Variants in THAP5 observed in about 807,000 individuals in gnomAD.
THAP5 encodes THAP domain containing 5.
THAP5 carries 26 observed loss-of-function variants against 34.0 expected under a neutral mutation model. The observed-to-expected ratio is 0.77, with a 90% CI of 0.56 to 1.06. The LOEUF is 1.06. Ranked by LOEUF, THAP5 falls within the 50% of genes least tolerant of loss-of-function variation. THAP5 has a pLI of 0.00. For missense variants in THAP5, 394 were observed against 452.8 expected, an observed-to-expected ratio of 0.87 and a Z score of 1.18; for synonymous variants, 125 against 153.0, an observed-to-expected ratio of 0.82 and a Z score of 1.35.
downstream of THAP5, among the ~76,000 whole-genome samples, chr7:108,558,545 G>A (rs1324658088): frequency 3.3e-5 from 5 of 150,616 alleles, no homozygotes; most frequent in African/African-American, 7.3e-5. Flanking sequence ...TTACAGGCAC[G>A]CGCCACCACA....
rs947739092 is a variant in THAP5 at position 108,562,357 on chromosome 7, T to A, written c.*1834A>T. On this transcript the variant is annotated 3_prime_UTR_variant, in exon 3 of 3. Transcript: ENST00000415914. ...ATAACTCTATCATCTCCCCATAATT[T>A]ATGCAAAAATTTTAAGTTTTTCCCC... The A allele has an allele frequency of 6.6e-6, 1 of 152,168 alleles. No individual in the cohort carries two copies. The highest frequency in any genetic ancestry group is 1.5e-5 in the Non-Finnish European group (1 of 68,016). The allele number at this position is 152,168 out of a possible 1,614,324, so 9.4% of individuals were successfully genotyped here.
chr7:108,550,865 CT>C (rs1864349026), downstream of THAP5, among the ~76,000 whole-genome samples: 1 of 152,174 alleles, frequency 6.6e-6, no homozygotes, highest in Non-Finnish European at 1.5e-5. Flanking sequence ...AGGTACTGGG[CT>C]TTACGGCTTC....
chr7:108,547,128 T>G, the THAP5 span, among the ~76,000 whole-genome samples: 1 of 152,202 alleles, frequency 6.6e-6, no homozygotes, highest in Non-Finnish European at 1.5e-5. Context: ...TTAATGACAT[T>G]CTGGGAATTG....
At chr7:108,566,308 G>A (rs958392422) in intron 1 of THAP5, among the ~76,000 whole-genome samples, 4 of 152,032 alleles carry the variant, frequency 2.6e-5, no homozygotes, top group African/African-American at 9.7e-5. Context: ...TCCTATAAAG[G>A]ACAAAATCTA....
Position 108,565,103 on chromosome 7 carries a change from T to C in THAP5, c.276A>G (p.Gly92=). The C allele has an allele frequency of 1.3e-6, 2 of 1,498,368 alleles. No individual in the cohort carries two copies. Among genetic ancestry groups the C allele is most frequent in the Non-Finnish European group, 1.8e-6 (2 of 1,127,086 alleles). The allele number at this position is 1,498,368 out of a possible 1,614,324, so 92.8% of individuals were successfully genotyped here. ...TIFSLPEDNQ[G]KDPSKKKSQK... is the part of the protein sequence containing the mutation. ...GGGATTTTTTTTTAGAAGGGTCTTT[T>C]CCCTAGAAAATAATATTTTCATGTT... Residue 92 remains glycine (G), a splice_region_variant and synonymous_variant, in exon 3 of 3, where the codon GGA becomes GGG. Transcript: ENST00000415914.
At chr7:108,569,415 A>G (rs1182403174) in intron 1 of THAP5, 75 bp downstream of exon 1, 1 of 1,547,944 alleles carries the variant, frequency 6.5e-7, no homozygotes, top group African/African-American at 1.4e-5. Flanking sequence ...AGCGGACAGG[A>G]GACACCCAAG....
chr7:108,552,293 A>G (rs55760223), downstream of THAP5, among the ~76,000 whole-genome samples: 2,545 of 151,606 alleles, frequency 0.017, 24 homozygotes, highest in Non-Finnish European at 0.027. Context: ...AGCACCCCAC[A>G]CTCCCCAATT....
chr7:108,561,430 A>AT (rs372485775), downstream of THAP5, among the ~76,000 whole-genome samples: 8,482 of 127,930 alleles, frequency 0.066, 553 homozygotes, highest in African/African-American at 0.16. Flanking sequence ...TGCCTGGCTG[A>AT]TTTTTTTTTT....
At chr7:108,549,594 G>A (rs577658388), downstream of THAP5, among the ~76,000 whole-genome samples, 1 of 152,098 alleles carries the variant, frequency 6.6e-6, no homozygotes, top group African/African-American at 2.4e-5. Context: ...AATATACATT[G>A]TGTAAGTGGT....
the THAP5 span, among the ~76,000 whole-genome samples, chr7:108,542,990 G>A: frequency 6.6e-6 from 1 of 151,758 alleles, no homozygotes; most frequent in African/African-American, 2.4e-5. Flanking sequence ...GCAGTGGCAC[G>A]ATCTCGGCTC....
chr7:108,552,330 C>T (rs1864358835), downstream of THAP5, among the ~76,000 whole-genome samples: 2 of 152,090 alleles, frequency 1.3e-5, no homozygotes, highest in South Asian at 4.1e-4. Flanking sequence ...ATTTCAATTA[C>T]TAAGGCTTTT....
Position 108,564,730 on chromosome 7 carries a change from G to A in THAP5, c.649C>T (p.Gln217Ter), listed in dbSNP as rs760877365. The A allele has an allele frequency of 8.7e-6, 14 of 1,613,620 alleles. No individual in the cohort carries two copies. The highest frequency in any genetic ancestry group is 1.0e-5 in the Non-Finnish European group (12 of 1,179,782). ...AGAACTTCTTGAGTTTCCAAAGATT[G>A]ATGAATACTTTCTGAATTTGAAGTT... ...LTTSNSESIH[Q>*]SLETQEVLEV... The change falls in exon 3 of 3, where the codon CAA becomes TAA. Residue 217 changes from glutamine (Q) to a stop codon, truncating the protein, a stop_gained. Transcript: ENST00000415914. LOFTEE classifies it high-confidence loss of function.
chr7:108,551,260 G>C (rs40929), downstream of THAP5, among the ~76,000 whole-genome samples: 85,803 of 152,048 alleles, frequency 0.56, 24,387 homozygotes, highest in African/African-American at 0.62. Context: ...GAAACTTCAT[G>C]CCCAGTGCAA....
the THAP5 span, among the ~76,000 whole-genome samples, chr7:108,543,961 T>A: frequency 6.6e-6 from 1 of 151,954 alleles, no homozygotes; most frequent in African/African-American, 2.4e-5. Context: ...GGCTAAAATA[T>A]AAAAAAAATT....
Position 108,569,595 on chromosome 7 carries a change from G to T in THAP5, c.-26C>A. The T allele has an allele frequency of 6.5e-7, 1 of 1,550,002 alleles. No individual in the cohort carries two copies. The highest frequency in any genetic ancestry group is 8.7e-7 in the Non-Finnish European group (1 of 1,146,968). The stretch of plus-strand genomic sequence containing the variant: ...GACTCGGGTGAGGCCCCTGGAGACC[G>T]GGGCCGGCGACGGATGCAGGGCGGC... On this transcript the variant is annotated 5_prime_UTR_variant, in exon 1 of 3. Coordinates refer to ENST00000415914, the MANE Select transcript of THAP5 (RefSeq NM_001130475.3).
chr7:108,546,547 G>A, the THAP5 span, among the ~76,000 whole-genome samples: 1 of 152,186 alleles, frequency 6.6e-6, no homozygotes, highest in Non-Finnish European at 1.5e-5. Context: ...ATCGTAAGGG[G>A]ACGAGGAGGA....
Position 108,564,395 on chromosome 7 carries a change from A to G in THAP5, c.984T>C (p.Asp328=), listed in dbSNP as rs781611814. 1.2e-6 allele frequency: 2 copies of G among 1,613,844 alleles called. No homozygotes were observed. Among genetic ancestry groups the G allele is most frequent in the Admixed American group, 1.7e-5 (1 of 60,008 alleles). ...TCTGCCAAAGATGTTCCTTATTTAT[A>G]TCTTGTCTGCAGTAAGAATGTTCGA... ...LQIEHSYCRQ[D]INKEHLWQKV... The change falls in exon 3 of 3, where the codon GAT becomes GAC. Residue 328 remains aspartate (D), a synonymous_variant. Transcript: ENST00000415914.
chr7:108,565,408 A>G (rs990395396), intron 2 of THAP5: 1 of 202,304 alleles, frequency 4.9e-6, no homozygotes, highest in Non-Finnish European at 1.0e-5. Context: ...TCCCTACTAA[A>G]AATACAAAAA....
At chr7:108,556,096 T>G (rs1864384109) in intron 1 of THAP5, among the ~76,000 whole-genome samples, 1 of 152,090 alleles carries the variant, frequency 6.6e-6, no homozygotes, top group Non-Finnish European at 1.5e-5. Flanking sequence ...TTCACTATCA[T>G]GAGAACAGCA....
Sources: allele counts gnomAD v4.1 joint callset (sites outside exome capture counted in the v4.1 genomes callset), GRCh38; gene constraint gnomAD v4.1.1; transcripts MANE v1.5; gene names NCBI Gene and HGNC (gene_info 2026-07-23, HGNC 2026-07-21).